SLMAP: variants seen among roughly 807,000 people sequenced by gnomAD.
SLMAP encodes sarcolemma associated protein.
SLMAP carries 44 observed loss-of-function variants against 128.8 expected under a neutral mutation model. That is an observed-to-expected ratio of 0.34 (90% CI 0.27 to 0.44). The LOEUF is 0.44. Ranked by LOEUF, SLMAP falls within the 20% of genes least tolerant of loss-of-function variation. The pLI, the probability that SLMAP is intolerant of heterozygous loss-of-function variation, is 1.00. For synonymous variants in SLMAP, 327 were observed against 348.8 expected (o/e 0.94, Z 0.70); for missense variants, 787 against 985.3 (o/e 0.80, Z 2.69).
chr3:57,915,052 ATT>A (rs1421123767), intron 21 of SLMAP, among the ~76,000 whole-genome samples: 7 of 151,296 alleles, frequency 4.6e-5, no homozygotes, highest in African/African-American at 1.7e-4. Context: ...TGCCTGGCTA[ATT>A]TTTGTATTTC....
intron 2 of SLMAP, among the ~76,000 whole-genome samples, chr3:57,798,894 C>T (rs183557333): frequency 1.7e-4 from 26 of 152,138 alleles, no homozygotes; most frequent in African/African-American, 5.3e-4. Context: ...GAAATGTTGT[C>T]GGTGAGCAAG....
chr3:57,912,242 C>T, intron 19 of SLMAP, 139 bp from the exon 20 acceptor site: 1 of 592,168 alleles, frequency 1.7e-6, no homozygotes, highest in Non-Finnish European at 2.8e-6. Flanking sequence ...TTGACGCTTT[C>T]TGCATCAAAC....
intron 2 of SLMAP, among the ~76,000 whole-genome samples, chr3:57,823,968 C>G (rs993368500): frequency 6.6e-6 from 1 of 151,860 alleles, no homozygotes; most frequent in African/African-American, 2.4e-5. Flanking sequence ...CTCTGATGGC[C>G]AGTGATGATG....
At position 57,906,306 on chromosome 3, in the gene SLMAP, TTTTC is replaced by T. The variant is rs1170006342; in HGVS notation, c.1502-1574_1502-1571del. The stretch of plus-strand genomic sequence containing the variant: ...CCCAGAATCAAATTTTTTTCTTTTT[TTTTC>T]TTTTTTTTTTTTTTTTTTTTTTAGA... On this transcript the variant is annotated intron_variant, in intron 17 of 24. Transcript: ENST00000671191. Among the ~76,000 whole-genome samples the T allele has an allele frequency of 2.5e-3, 292 of 117,022 alleles. 4 individuals are homozygous for T. Among genetic ancestry groups the T allele is most frequent in the South Asian group, 0.015 (53 of 3,490 alleles). 76.8% of individuals were successfully genotyped at this position (117,022 alleles called of 152,430 possible).
intron 2 of SLMAP, among the ~76,000 whole-genome samples, chr3:57,817,896 G>C (rs2092060588): frequency 6.6e-6 from 1 of 152,174 alleles, no homozygotes; most frequent in African/African-American, 2.4e-5. Flanking sequence ...CAGAAGGTCT[G>C]ATTGCTATTT....
rs761841068 is a variant in SLMAP, at chr3:57,857,725, A to G, written c.520-8A>G. 2.2e-5 allele frequency: 35 copies of G among 1,588,508 alleles called. No homozygotes were observed. The highest frequency in any genetic ancestry group is 2.9e-5 in the Non-Finnish European group (34 of 1,157,312). On this transcript the variant is annotated splice_polypyrimidine_tract_variant and splice_region_variant and intron_variant, in intron 6 of 24. Coordinates refer to ENST00000671191, the MANE Select transcript of SLMAP (RefSeq NM_001377540.1). ...TATTAGAATCTGTTTTGTGATTTGT[A>G]ATACTAGGAGGCCTTACATCGGGAA...
intron 2 of SLMAP, among the ~76,000 whole-genome samples, chr3:57,786,796 T>C (rs1372494685): frequency 1.6e-4 from 24 of 147,776 alleles, no homozygotes; most frequent in Non-Finnish European, 1.5e-4. Flanking sequence ...TGCAGTGGTG[T>C]GATCTCGGCT....
chr3:57,769,422 T>G (rs1367584465), intron 2 of SLMAP, among the ~76,000 whole-genome samples: 2 of 152,102 alleles, frequency 1.3e-5, no homozygotes, highest in East Asian at 3.9e-4. Flanking sequence ...CTCGATCTCC[T>G]GACCTCGTGA....
chr3:57,852,089 T>G (rs2094527502), intron 6 of SLMAP, among the ~76,000 whole-genome samples: 1 of 152,008 alleles, frequency 6.6e-6, no homozygotes, highest in Non-Finnish European at 1.5e-5. Context: ...TTTTTGTATT[T>G]TTAGTAGAGA....
chr3:57,840,167 T>C (rs1426638395), intron 3 of SLMAP, among the ~76,000 whole-genome samples: 1 of 152,162 alleles, frequency 6.6e-6, no homozygotes, highest in Non-Finnish European at 1.5e-5. Context: ...TTGGCCAGGC[T>C]GGTCTCAAAC....
intron 4 of SLMAP, among the ~76,000 whole-genome samples, chr3:57,844,808 A>G (rs902058459): frequency 3.5e-5 from 5 of 144,076 alleles, no homozygotes; most frequent in African/African-American, 1.3e-4. Context: ...TCCGCCTCCC[A>G]GGTTCAAGTG....
chr3:57,912,477 A>C lies in SLMAP; in HGVS notation c.1796A>C (p.Asp599Ala). The stretch of plus-strand genomic sequence containing the variant: ...AGAGATGAATTGCTTAGTGCCCGAG[A>C]TGAAATTTTGCTCCTTCATCAAGCA... ...STRDELLSAR[D>A]EILLLHQAAA... is the part of the protein sequence containing the mutation. Residue 599 changes from aspartate (D) to alanine (A), a missense_variant, in exon 20 of 25, where the codon GAT becomes GCT. Physicochemically the swap from Asp to Ala is moderately radical, Grantham distance 126. This residue lies in a region of SLMAP where 715 missense variants were observed against 843.6 expected (regional missense o/e 0.85). Transcript: ENST00000671191. The C allele has an allele frequency of 6.2e-7, 1 of 1,614,188 alleles. No homozygotes were observed. Among genetic ancestry groups the C allele is most frequent in the Non-Finnish European group, 8.5e-7 (1 of 1,180,012 alleles).
Position 57,809,269 on chromosome 3 carries a change from G to T in SLMAP, c.199-22114G>T, listed in dbSNP as rs887223919. On this transcript the variant is annotated intron_variant, in intron 2 of 24. Transcript: ENST00000671191. The stretch of plus-strand genomic sequence containing the variant: ...CAGGAAGAAAGGCCCCCCTGCCCTC[G>T]CAGGCTTGGAAGTGCCTGCTCCCAC... 2.6e-5 allele frequency among the ~76,000 whole-genome samples: 4 copies of T among 152,190 alleles called. No homozygotes were observed. In the South Asian group the frequency reaches 8.3e-4, roughly 32 times the overall value.
rs920420044 is a variant in SLMAP, at chr3:57,757,487, A to G, written c.-165A>G. The G allele has an allele frequency of 4.6e-6, 3 of 653,174 alleles. No individual in the cohort carries two copies. Among genetic ancestry groups the G allele is most frequent in the East Asian group, 5.5e-5 (2 of 36,686 alleles). The allele number at this position is 653,174 out of a possible 1,614,324, so 40.5% of individuals were successfully genotyped here. A position where few individuals can be genotyped will look rare whatever the true frequency, so the allele number is the denominator to read the frequency against. Reference sequence around the variant, plus strand: ...GGGGCTTGCGCTGGCTTGTCTTCCCACCCAAGTGAAGAGTTGATGTTCACT... The same window carrying G: ...GGGGCTTGCGCTGGCTTGTCTTCCCGCCCAAGTGAAGAGTTGATGTTCACT... On this transcript the variant is annotated 5_prime_UTR_variant, in exon 2 of 25. Transcript: ENST00000671191.
At chr3:57,773,336 G>A (rs1395482495) in intron 2 of SLMAP, among the ~76,000 whole-genome samples, 1 of 152,216 alleles carries the variant, frequency 6.6e-6, no homozygotes, top group Non-Finnish European at 1.5e-5. Context: ...TGGAAACTGT[G>A]AGACTAAGCC....
intron 2 of SLMAP, among the ~76,000 whole-genome samples, chr3:57,768,265 CTG>C (rs2080127025): frequency 6.6e-6 from 1 of 152,180 alleles, no homozygotes; most frequent in South Asian, 2.1e-4. Flanking sequence ...CACATAGAAA[CTG>C]TGTGTTAAGA....
chr3:57,866,693 A>G (rs2095312555), intron 13 of SLMAP, among the ~76,000 whole-genome samples: 1 of 152,154 alleles, frequency 6.6e-6, no homozygotes, highest in African/African-American at 2.4e-5. Flanking sequence ...GACCAGCCTG[A>G]GCATCATGGT....
At chr3:57,769,253 C>T (rs981571517) in intron 2 of SLMAP, among the ~76,000 whole-genome samples, 4 of 151,842 alleles carry the variant, frequency 2.6e-5, no homozygotes, top group Non-Finnish European at 4.4e-5. Context: ...AGTGCAGTGG[C>T]GCGATCTTGG....
intron 14 of SLMAP, among the ~76,000 whole-genome samples, chr3:57,889,291 TATA>T (rs1230234439): frequency 6.6e-6 from 1 of 152,240 alleles, no homozygotes; most frequent in African/African-American, 2.4e-5. Context: ...GACTAGAGGC[TATA>T]ATGATATTGG....
Sources: gnomAD v4.1 joint callset for allele counts (sites outside exome capture counted in the v4.1 genomes callset) on GRCh38, gnomAD v4.1.1 for gene constraint, gnomAD v4.1.1 regional missense constraint, MANE v1.5 for transcripts, NCBI Gene and HGNC (gene_info 2026-07-23, HGNC 2026-07-21) for gene names.